Variants in KIF16B observed in about 807,000 individuals in gnomAD.
The protein encoded by KIF16B is kinesin family member 16B, also known as kinesin-like protein KIF16B.
Under a neutral mutation model 156.3 loss-of-function variants are expected in KIF16B, and 98 were observed. That is an observed-to-expected ratio of 0.63 (90% CI 0.53 to 0.74). The LOEUF (loss-of-function observed/expected upper bound fraction) is 0.74, where lower values mean the gene tolerates loss of function less well. Among genes scored for constraint, KIF16B ranks in the 30% least tolerant of loss-of-function variants. The pLI is 0.00. For synonymous variants in KIF16B, 564 were observed against 583.7 expected (o/e 0.97, Z 0.49); for missense variants, 1,421 against 1,606.5 (o/e 0.88, Z 1.97).
chr20:16,505,595 T>C lies in KIF16B; in HGVS notation c.1000+127A>G, dbSNP rs761305163. ...TCATAGGAGGTGATTTTCCTCAAGA[T>C]AGAAAAACCATTACTTTTTTAAGAT... On this transcript the variant is annotated intron_variant, in intron 9 of 25. Coordinates refer to ENST00000354981, the MANE Select transcript of KIF16B (RefSeq NM_024704.5). The C allele has an allele frequency of 1.9e-5, 16 of 823,846 alleles. 1 individual carries two copies. The highest frequency in any genetic ancestry group is 5.6e-5 in the Admixed American group (2 of 35,432). 51.0% of individuals were successfully genotyped at this position (823,846 alleles called of 1,614,324 possible).
chr20:16,489,264 G>C (rs915522536), intron 12 of KIF16B, among the ~76,000 whole-genome samples: 14 of 152,166 alleles, frequency 9.2e-5, no homozygotes, highest in East Asian at 7.7e-4. Context: ...GAGGCTGAAG[G>C]GGGAGGGCCT....
Position 16,407,102 on chromosome 20 carries a change from C to A in KIF16B, c.1613-646G>T, listed in dbSNP as rs191815969. The stretch of plus-strand genomic sequence containing the variant: ...CTTCCTTATTCAGAAAACAACTGCA[C>A]AAGGGGCAAAATAATTCAAGGGAAA... On this transcript the variant is annotated intron_variant, in intron 15 of 25. Transcript: ENST00000354981. 3.3e-4 allele frequency among the ~76,000 whole-genome samples: 50 copies of A among 152,246 alleles called. No homozygotes were observed. The East Asian group carries it at 8.5e-3, about 26-fold the overall frequency.
At chr20:16,397,301 C>T (rs2065531171) in intron 17 of KIF16B, among the ~76,000 whole-genome samples, 1 of 152,220 alleles carries the variant, frequency 6.6e-6, no homozygotes, top group Admixed American at 6.5e-5. Flanking sequence ...GGCTTCTCTG[C>T]CTAATCCAAA....
chr20:16,406,087 T>A (rs1187387513), intron 16 of KIF16B, among the ~76,000 whole-genome samples: 1 of 152,170 alleles, frequency 6.6e-6, no homozygotes, highest in Non-Finnish European at 1.5e-5. Context: ...CTCCACCTAA[T>A]GCAAAATGAT....
intron 11 of KIF16B, 67 bp from the exon 12 acceptor site, chr20:16,494,417 G>T (rs143700020): frequency 8.0e-6 from 8 of 1,004,164 alleles, no homozygotes; most frequent in African/African-American, 6.6e-5. Flanking sequence ...TCTAGTTTCC[G>T]AACTCTAATA....
At chr20:16,530,791 T>G (rs1433269607) in intron 1 of KIF16B, among the ~76,000 whole-genome samples, 2 of 152,050 alleles carry the variant, frequency 1.3e-5, no homozygotes, top group South Asian at 2.1e-4. Context: ...AACCTCCACC[T>G]CCTAGGCTCA....
In KIF16B at chr20:16,548,530, T is replaced by C. The variant is rs562361756; in HGVS notation, c.48-20090A>G. 1.2e-4 allele frequency among the ~76,000 whole-genome samples: 18 copies of C among 152,336 alleles called. No individual in the cohort carries two copies. The South Asian group carries it at 3.5e-3, about 30-fold the overall frequency. ...TCATATCAGCAGCATTACATTCTCA[T>C]AGGAGAGCAAACCCTATCGTAAATG... On this transcript the variant is annotated intron_variant, in intron 1 of 25. Transcript: ENST00000354981.
intron 17 of KIF16B, among the ~76,000 whole-genome samples, chr20:16,401,836 T>C (rs2065664489): frequency 6.6e-6 from 1 of 152,214 alleles, no homozygotes; most frequent in Non-Finnish European, 1.5e-5. Flanking sequence ...TACCTTTCAC[T>C]TGGATTAAGG....
intron 10 of KIF16B, among the ~76,000 whole-genome samples, chr20:16,500,458 A>G (rs2068588317): frequency 6.6e-6 from 1 of 152,136 alleles, no homozygotes; most frequent in South Asian, 2.1e-4. Flanking sequence ...ATTATGTTAT[A>G]TAAATATGCT....
intron 22 of KIF16B, among the ~76,000 whole-genome samples, chr20:16,369,772 A>G (rs1209148902): frequency 6.6e-6 from 1 of 152,242 alleles, no homozygotes; most frequent in East Asian, 1.9e-4. Context: ...TCCCATGAAC[A>G]TTAACAGTAA....
intron 15 of KIF16B, among the ~76,000 whole-genome samples, chr20:16,409,970 CAT>C (rs138849281): frequency 0.37 from 15,944 of 42,764 alleles, 4,080 homozygotes; most frequent in Middle Eastern, 0.44. Flanking sequence ...TATATATATA[CAT>C]ATATATATAT....
intron 25 of KIF16B, among the ~76,000 whole-genome samples, chr20:16,291,333 G>C (rs1040229002): frequency 6.6e-6 from 1 of 152,146 alleles, no homozygotes; most frequent in Non-Finnish European, 1.5e-5. Context: ...CGTTACTTAA[G>C]GTCTGAGAAG....
intron 1 of KIF16B, among the ~76,000 whole-genome samples, chr20:16,551,685 T>G (rs2070671866): frequency 1.3e-5 from 2 of 152,138 alleles, no homozygotes. Context: ...ATGAAAGAAA[T>G]AACCTTGTCC....
intron 23 of KIF16B, among the ~76,000 whole-genome samples, chr20:16,338,804 C>CACGTT (rs1170104245): frequency 6.6e-6 from 1 of 152,146 alleles, no homozygotes; most frequent in Admixed American, 6.5e-5. Context: ...CCAATCATGC[C>CACGTT]ACGTTTTCCA....
At chr20:16,461,320 C>T (rs1398190507) in intron 12 of KIF16B, among the ~76,000 whole-genome samples, 1 of 151,776 alleles carries the variant, frequency 6.6e-6, no homozygotes, top group Non-Finnish European at 1.5e-5. Flanking sequence ...CTTCTTTAAC[C>T]CAGTTAGAAT....
intron 12 of KIF16B, among the ~76,000 whole-genome samples, chr20:16,493,410 G>A (rs957215721): frequency 6.6e-6 from 1 of 152,210 alleles, no homozygotes; most frequent in African/African-American, 2.4e-5. Context: ...GTAATTAGGT[G>A]TGCCATTCTC....
chr20:16,376,939 T>A (rs2064964394), intron 19 of KIF16B, among the ~76,000 whole-genome samples: 1 of 152,136 alleles, frequency 6.6e-6, no homozygotes, highest in South Asian at 2.1e-4. Context: ...ATAACAGCAT[T>A]AGGGTTTTTG....
At position 16,385,197 on chromosome 20, in the gene KIF16B, C is replaced by CAA. The variant is rs530915390; in HGVS notation, c.1785-3452_1785-3451dup. Among the ~76,000 whole-genome samples the CAA allele has an allele frequency of 5.0e-3, 623 of 125,266 alleles. 5 individuals carry two copies. The highest frequency in any genetic ancestry group is 0.014 in the African/African-American group (492 of 34,002). The allele number at this position is 125,266 out of a possible 152,430, so 82.2% of individuals were successfully genotyped here. ...GGGGGACAAGAGCGTAACTCTGTCTCAAAAAAAAAAAAAAGTAGGTACTCA... is the reference window on the plus strand; with the variant it reads ...GGGGGACAAGAGCGTAACTCTGTCTCAAAAAAAAAAAAAAAAGTAGGTACTCA... On this transcript the variant is annotated intron_variant, in intron 17 of 25. Coordinates refer to ENST00000354981, the MANE Select transcript of KIF16B (RefSeq NM_024704.5).
chr20:16,426,311 T>A lies in KIF16B; in HGVS notation c.1612+793A>T, dbSNP rs2066350871. ...CCATATCAACAGGTGAATCCTACAC[T>A]TATGTAGAGGGACATTCTACAACAT... On this transcript the variant is annotated intron_variant, in intron 15 of 25. Transcript: ENST00000354981. Among the ~76,000 whole-genome samples the A allele has an allele frequency of 1.3e-5, 2 of 151,930 alleles. 1 individual carries two copies. The highest frequency in any genetic ancestry group is 4.1e-4 in the South Asian group (2 of 4,826).
Sources: allele counts gnomAD v4.1 joint callset (sites outside exome capture counted in the v4.1 genomes callset), GRCh38; gene constraint gnomAD v4.1.1; transcripts MANE v1.5; gene names NCBI Gene and HGNC (gene_info 2026-07-23, HGNC 2026-07-21).